Variants in VAV2 observed in about 807,000 individuals in gnomAD.
VAV2 encodes the protein guanine nucleotide exchange factor VAV2.
Under a neutral mutation model 132.5 loss-of-function variants are expected in VAV2, and 67 were observed. That is an observed-to-expected ratio of 0.51 (90% CI 0.42 to 0.62). VAV2 has a LOEUF of 0.62. Among genes scored for constraint, VAV2 ranks in the 20% least tolerant of loss-of-function variants. VAV2 has a pLI of 0.00. For missense variants in VAV2, 938 were observed against 1,153.6 expected (o/e 0.81, Z 2.71); for synonymous variants, 492 against 443.5 (o/e 1.11, Z -1.37).
rs1032415560 is a variant in VAV2, at chr9:133,863,287, C to A, written c.322-1855G>T. On this transcript the variant is annotated intron_variant, in intron 2 of 29. Transcript: ENST00000371850. The surrounding 1 kb of genome is among the most constrained non-coding windows in gnomAD (Gnocchi z 5.0). ...CTGCGGCAGACGTGGCTGATCAATC[C>A]CTCCGAGGAGCCGGGCGCAGGCCCA... 4.6e-5 allele frequency among the ~76,000 whole-genome samples: 7 copies of A among 152,240 alleles called. No individual in the cohort carries two copies. The highest frequency in any genetic ancestry group is 1.0e-4 in the Non-Finnish European group (7 of 68,040).
At chr9:133,810,459 C>A (rs1444638408) in intron 5 of VAV2, among the ~76,000 whole-genome samples, 5 of 152,246 alleles carry the variant, frequency 3.3e-5, no homozygotes, top group Non-Finnish European at 7.3e-5. Context: ...GGGGAAGTCA[C>A]CATCTCTATT....
intron 3 of VAV2, among the ~76,000 whole-genome samples, chr9:133,835,757 G>A (rs900137390): frequency 2.0e-5 from 3 of 152,196 alleles, no homozygotes; most frequent in Admixed American, 6.5e-5. Flanking sequence ...CCGGGGACCT[G>A]TGCTCCTGCG....
intron 1 of VAV2, among the ~76,000 whole-genome samples, chr9:133,979,634 C>A (rs937074361): frequency 1.8e-4 from 28 of 152,206 alleles, no homozygotes; most frequent in Admixed American, 1.3e-4. Flanking sequence ...GGCACTAATC[C>A]GGGCCCGGCC....
intron 7 of VAV2, among the ~76,000 whole-genome samples, chr9:133,807,581 A>G (rs1293497312): frequency 6.6e-6 from 1 of 152,174 alleles, no homozygotes; most frequent in African/African-American, 2.4e-5. Flanking sequence ...ACTCACACAC[A>G]GGGTGGACTT....
At chr9:133,774,877 C>T (rs1833758999) in intron 25 of VAV2, 58 bp downstream of exon 25, 2 of 1,492,418 alleles carry the variant, frequency 1.3e-6, no homozygotes, top group Non-Finnish European at 1.8e-6. Context: ...GGATGGTGCT[C>T]TCCACTTCAG....
In VAV2 at chr9:133,802,323, T is replaced by TACATACACACAC. The variant is rs1834962992; in HGVS notation, c.836+3757_836+3758insGTGTGTGTATGT. On this transcript the variant is annotated intron_variant, in intron 9 of 29. Transcript: ENST00000371850. The surrounding 1 kb of genome is among the most constrained non-coding windows in gnomAD (Gnocchi z 5.8). ...GCACACAAACACACAAGCACGCGTG[T>TACATACACACAC]ACACACACACACACACACACACACA... Among the ~76,000 whole-genome samples, 1 of 142,096 alleles carries TACATACACACAC rather than the reference T, an allele frequency of 7.0e-6. No homozygotes were observed. Among genetic ancestry groups the TACATACACACAC allele is most frequent in the African/African-American group, 2.6e-5 (1 of 38,388 alleles). The allele number at this position is 142,096 out of a possible 152,430, so 93.2% of individuals were successfully genotyped here.
At chr9:133,981,345 C>T (rs1842686702) in intron 1 of VAV2, among the ~76,000 whole-genome samples, 1 of 152,190 alleles carries the variant, frequency 6.6e-6, no homozygotes. Context: ...CGCCCAGCAG[C>T]GCGCCCAGGG....
Position 133,845,849 on chromosome 9 carries a change from G to A in VAV2, c.381-11509C>T, listed in dbSNP as rs183839297. 1.3e-3 allele frequency among the ~76,000 whole-genome samples: 195 copies of A among 152,340 alleles called. 6 individuals carry two copies. Among genetic ancestry groups the A allele is most frequent in the Admixed American group, 9.1e-4 (14 of 15,310 alleles). On this transcript the variant is annotated intron_variant, in intron 3 of 29. Coordinates refer to ENST00000371850, the MANE Select transcript of VAV2 (RefSeq NM_001134398.2). ...CCCAGCAGAGAGCAGGTTTCCAGGA[G>A]AGCCCTGGTCAACCCTCCATTGTGG...
chr9:133,974,908 C>T (rs1225282946), intron 1 of VAV2, among the ~76,000 whole-genome samples: 1 of 152,106 alleles, frequency 6.6e-6, no homozygotes, highest in Non-Finnish European at 1.5e-5. Flanking sequence ...CCAACAGTTT[C>T]CCTCAAGGTC....
At chr9:133,983,241 C>T (rs1842753463) in intron 1 of VAV2, among the ~76,000 whole-genome samples, 1 of 152,216 alleles carries the variant, frequency 6.6e-6, no homozygotes, top group African/African-American at 2.4e-5. Context: ...ACAGACATGG[C>T]CTGGACACAG....
chr9:133,941,578 G>A (rs1487207136), intron 1 of VAV2, among the ~76,000 whole-genome samples: 5 of 145,300 alleles, frequency 3.4e-5, no homozygotes, highest in African/African-American at 1.3e-4. Flanking sequence ...AGACATGAAA[G>A]GACAAATCCT....
intron 2 of VAV2, among the ~76,000 whole-genome samples, chr9:133,871,156 GTGGGCAGATGGATGGA>G (rs957130216): frequency 2.7e-5 from 4 of 147,100 alleles, no homozygotes; most frequent in African/African-American, 5.1e-5. Flanking sequence ...AGATGGATGG[GTGGGCAGATGGATGGA>G]TAGATGAGTG....
intron 6 of VAV2, 72 bp from the exon 7 acceptor site, chr9:133,809,210 G>C (rs763120343): frequency 5.9e-5 from 75 of 1,266,020 alleles, no homozygotes; most frequent in Middle Eastern, 3.8e-4. Flanking sequence ...TCTGCACCGC[G>C]ACACCCGGAC....
chr9:133,937,705 A>C (rs554283221), intron 2 of VAV2, among the ~76,000 whole-genome samples: 90 of 152,260 alleles, frequency 5.9e-4, no homozygotes, highest in Non-Finnish European at 9.7e-4. Flanking sequence ...TTGAGAAGCC[A>C]CTTACAGGAA....
intron 2 of VAV2, among the ~76,000 whole-genome samples, chr9:133,916,575 G>T (rs544361139): frequency 6.6e-6 from 1 of 152,228 alleles, no homozygotes; most frequent in East Asian, 1.9e-4. Flanking sequence ...TGGTGATATG[G>T]ATGGAGAAGG....
chr9:133,953,663 T>C (rs1253179897), intron 1 of VAV2, among the ~76,000 whole-genome samples: 4 of 152,138 alleles, frequency 2.6e-5, no homozygotes, highest in African/African-American at 9.7e-5. Context: ...GGGGCCCAGC[T>C]TCAGACACCC....
intron 3 of VAV2, among the ~76,000 whole-genome samples, chr9:133,852,559 G>C (rs1439445918): frequency 1.3e-5 from 2 of 152,246 alleles, no homozygotes; most frequent in East Asian, 1.9e-4. Flanking sequence ...GGAGCAAAGA[G>C]AGAAACTCAG....
rs1368095488 is a variant in VAV2, at chr9:133,769,466, A to G, written c.2385T>C (p.Pro795=). ...CCTGAGAAGCAAAGCTGAGGCCCTG[A>G]GGACTGAGAAAAGAAAAGTTGTAGG... is the stretch of plus-strand genomic sequence containing the variant. ...CASYNFSFLS[P]QGLSFASQGP... Residue 795 remains proline (P), a synonymous_variant, in exon 28 of 30, where the codon CCT becomes CCC. Coordinates refer to ENST00000371850, the MANE Select transcript of VAV2 (RefSeq NM_001134398.2). The surrounding 1 kb of genome is among the most constrained non-coding windows in gnomAD (Gnocchi z 8.1). 1 of 1,613,106 alleles carries G rather than the reference A, an allele frequency of 6.2e-7. No individual in the cohort carries two copies. The highest frequency in any genetic ancestry group is 1.3e-5 in the African/African-American group (1 of 74,920).
intron 13 of VAV2, among the ~76,000 whole-genome samples, chr9:133,790,805 C>G (rs1834426145): frequency 6.6e-6 from 1 of 152,098 alleles, no homozygotes; most frequent in Non-Finnish European, 1.5e-5. Context: ...AGGGCATTCT[C>G]TTTGTGCTGC....
Sources: allele counts gnomAD v4.1 joint callset (sites outside exome capture counted in the v4.1 genomes callset), GRCh38; gene constraint gnomAD v4.1.1; non-coding constraint Gnocchi (gnomAD v3.1); transcripts MANE v1.5; gene names NCBI Gene and HGNC (gene_info 2026-07-23, HGNC 2026-07-21).